The following SLC24A2 variants were observed in gnomAD, a reference collection of about 807,000 sequenced individuals.
The protein encoded by SLC24A2 is sodium/potassium/calcium exchanger 2.
Under a neutral mutation model 62.0 loss-of-function variants are expected in SLC24A2, and 36 were observed. The ratio of observed to expected loss-of-function variants is 0.58; its 90% CI spans 0.44 to 0.77. The LOEUF is 0.77. SLC24A2 is among the 30% of genes least tolerant of loss of function. SLC24A2 has a pLI of 0.00. For missense variants in SLC24A2, 846 were observed against 817.9 expected, an observed-to-expected ratio of 1.03 and a Z score of -0.42; for synonymous variants, 358 against 294.0, an observed-to-expected ratio of 1.22 and a Z score of -2.23.
the SLC24A2 span, among the ~76,000 whole-genome samples, chr9:20,218,169 G>T: frequency 1.7e-4 from 26 of 152,300 alleles, no homozygotes; most frequent in Admixed American, 5.2e-4. Context: ...GGAAGGCACT[G>T]CAGGCTACCA....
intron 2 of SLC24A2, among the ~76,000 whole-genome samples, chr9:19,775,922 G>T (rs562700304): frequency 2.6e-5 from 4 of 152,176 alleles, no homozygotes; most frequent in Admixed American, 2.0e-4. Context: ...AGAAAAAAAC[G>T]TTCTTAACAT....
chr9:19,749,962 G>A (rs921554928), intron 2 of SLC24A2, among the ~76,000 whole-genome samples: 1 of 152,170 alleles, frequency 6.6e-6, no homozygotes, highest in African/African-American at 2.4e-5. Flanking sequence ...CAAGTCCAGA[G>A]GAATATACCA....
chr9:20,183,418 G>C, the SLC24A2 span, among the ~76,000 whole-genome samples: 1 of 152,344 alleles, frequency 6.6e-6, no homozygotes, highest in African/African-American at 2.4e-5. Context: ...TGTTCCTTTG[G>C]AGAGTTGCTT....
Position 19,642,212 on chromosome 9 carries a change from G to A in SLC24A2, c.931-19913C>T, listed in dbSNP as rs151224594. On this transcript the variant is annotated intron_variant, in intron 2 of 10. Coordinates refer to ENST00000341998, the MANE Select transcript of SLC24A2 (RefSeq NM_020344.4). Reference sequence around the variant, plus strand: ...GACTAGGAGATGTCCCAGCTTTTACGCTTACACACACATTCTCTCTCATCC... The same window carrying A: ...GACTAGGAGATGTCCCAGCTTTTACACTTACACACACATTCTCTCTCATCC... Among the ~76,000 whole-genome samples the A allele has an allele frequency of 5.9e-5, 9 of 152,220 alleles. No individual in the cohort carries two copies. In the East Asian group the frequency reaches 1.5e-3, roughly 26 times the overall value.
the SLC24A2 span, among the ~76,000 whole-genome samples, chr9:19,959,303 G>A: frequency 3.3e-5 from 5 of 152,164 alleles, no homozygotes; most frequent in African/African-American, 9.7e-5. Context: ...TACAAAAATG[G>A]ATTCAATCAG....
At chr9:19,901,240 A>G in the SLC24A2 span, among the ~76,000 whole-genome samples, 1 of 152,336 alleles carries the variant, frequency 6.6e-6, no homozygotes, top group East Asian at 1.9e-4. Context: ...TTTACAAGAT[A>G]TAATGATGGC....
At chr9:19,876,465 G>A in the SLC24A2 span, among the ~76,000 whole-genome samples, 1 of 151,840 alleles carries the variant, frequency 6.6e-6, no homozygotes, top group Non-Finnish European at 1.5e-5. Context: ...GGGGCTATGT[G>A]AAGACCCTCT....
At chr9:20,213,968 T>C in the SLC24A2 span, among the ~76,000 whole-genome samples, 1 of 152,224 alleles carries the variant, frequency 6.6e-6, no homozygotes, top group Non-Finnish European at 1.5e-5. Context: ...AGTATTTGTT[T>C]TTCTGTGACT....
chr9:20,283,230 T>G, the SLC24A2 span, among the ~76,000 whole-genome samples: 1 of 152,254 alleles, frequency 6.6e-6, no homozygotes, highest in African/African-American at 2.4e-5. Context: ...CCATGTGTAT[T>G]TGTCCATTTG....
intron 7 of SLC24A2, among the ~76,000 whole-genome samples, chr9:19,558,503 G>T (rs1260909646): frequency 1.3e-5 from 2 of 152,182 alleles, no homozygotes; most frequent in Non-Finnish European, 2.9e-5. Context: ...CTTCATTGCT[G>T]ATGGCACCCC....
chr9:19,994,886 C>G, the SLC24A2 span, among the ~76,000 whole-genome samples: 1 of 152,148 alleles, frequency 6.6e-6, no homozygotes, highest in Non-Finnish European at 1.5e-5. Flanking sequence ...TACCAATATA[C>G]AGAGTGAGCG....
chr9:19,523,419 C>G (rs1833289644), intron 9 of SLC24A2, among the ~76,000 whole-genome samples: 1 of 152,062 alleles, frequency 6.6e-6, no homozygotes, highest in African/African-American at 2.4e-5. Context: ...AGCACAGTGT[C>G]AGGTATAAAG....
At chr9:19,871,472 T>G in the SLC24A2 span, among the ~76,000 whole-genome samples, 1 of 152,312 alleles carries the variant, frequency 6.6e-6, no homozygotes, top group African/African-American at 2.4e-5. Context: ...TACCTTTAAA[T>G]TCACTGTATC....
chr9:20,190,482 G>T, the SLC24A2 span, among the ~76,000 whole-genome samples: 6,017 of 152,256 alleles, frequency 0.04, 152 homozygotes, highest in Non-Finnish European at 0.059. Flanking sequence ...AATAAGGGAA[G>T]TAACATTTAC....
the SLC24A2 span, among the ~76,000 whole-genome samples, chr9:20,290,597 C>G: frequency 6.6e-6 from 1 of 152,234 alleles, no homozygotes; most frequent in African/African-American, 2.4e-5. Flanking sequence ...CTCTTGGATC[C>G]TAAGCTGTTG....
At chr9:19,789,329 G>A (rs1450400741), upstream of SLC24A2, among the ~76,000 whole-genome samples, 1 of 152,250 alleles carries the variant, frequency 6.6e-6, no homozygotes, top group East Asian at 1.9e-4. Flanking sequence ...CAACTTTGGG[G>A]TCATCTTATG....
At chr9:19,733,213 G>T (rs1334090964) in intron 2 of SLC24A2, among the ~76,000 whole-genome samples, 1 of 152,028 alleles carries the variant, frequency 6.6e-6, no homozygotes, top group East Asian at 1.9e-4. Flanking sequence ...TATAAATTCA[G>T]AGGCTCTGGA....
intron 4 of SLC24A2, among the ~76,000 whole-genome samples, chr9:19,604,913 C>T (rs1201133512): frequency 6.6e-6 from 1 of 152,130 alleles, no homozygotes; most frequent in East Asian, 1.9e-4. Context: ...GAATAATTTA[C>T]AGGAATAAAT....
rs536249318 is a variant in SLC24A2, at chr9:19,735,634, T to A, written c.930+50303A>T. Among the ~76,000 whole-genome samples, 7 of 152,164 alleles carry A rather than the reference T, an allele frequency of 4.6e-5. No individual in the cohort carries two copies. In the South Asian group the frequency reaches 1.5e-3, roughly 32 times the overall value. ...AATGTCCAACAATGATAAGACTAGA[T>A]TAAGAAAATGTGGCACATATACACC... On this transcript the variant is annotated intron_variant, in intron 2 of 10. Transcript: ENST00000341998.
Sources: gnomAD v4.1 joint callset for allele counts (sites outside exome capture counted in the v4.1 genomes callset) on GRCh38, gnomAD v4.1.1 for gene constraint, MANE v1.5 for transcripts, NCBI Gene and HGNC (gene_info 2026-07-23, HGNC 2026-07-21) for gene names.